Variants in KIAA0319 observed in about 807,000 individuals in gnomAD.
The protein encoded by KIAA0319 is dyslexia-associated protein KIAA0319.
In KIAA0319, 83 loss-of-function variants were observed where a neutral mutation model predicts 108.4. The ratio of observed to expected loss-of-function variants is 0.77; its 90% confidence interval spans 0.64 to 0.92. The LOEUF (loss-of-function observed/expected upper bound fraction) is 0.92, where lower values mean the gene tolerates loss of function less well. KIAA0319 is among the 40% of genes least tolerant of loss of function. KIAA0319 has a pLI of 0.00. For synonymous variants in KIAA0319, 484 were observed against 510.4 expected (o/e 0.95, Z 0.70); for missense variants, 1,195 against 1,322.4 (o/e 0.90, Z 1.49).
chr6:24,613,876 GA>G (rs1013854762), intron 1 of KIAA0319, among the ~76,000 whole-genome samples: 24 of 151,938 alleles, frequency 1.6e-4, no homozygotes, highest in African/African-American at 5.8e-4. Context: ...CTGAGTGTAT[GA>G]AAAAAAATCC....
chr6:24,561,579 C>T (rs1254629256), intron 16 of KIAA0319, among the ~76,000 whole-genome samples: 1 of 152,148 alleles, frequency 6.6e-6, no homozygotes, highest in Non-Finnish European at 1.5e-5. Context: ...GACTGGGTCT[C>T]ATTCTGTTGT....
At chr6:24,573,614 A>G (rs1765042845) in intron 10 of KIAA0319, among the ~76,000 whole-genome samples, 1 of 152,266 alleles carries the variant, frequency 6.6e-6, no homozygotes, top group Non-Finnish European at 1.5e-5. Flanking sequence ...GTATTGCTAC[A>G]TGTACATACG....
chr6:24,634,295 A>C (rs1269259607), intron 1 of KIAA0319, among the ~76,000 whole-genome samples: 1 of 152,190 alleles, frequency 6.6e-6, no homozygotes, highest in South Asian at 2.1e-4. Flanking sequence ...CTCGAAACAC[A>C]CACTACCTTG....
chr6:24,574,600 T>C lies in KIAA0319; in HGVS notation c.1734+1768A>G, dbSNP rs539245973. Among the ~76,000 whole-genome samples the C allele has an allele frequency of 5.3e-5, 8 of 152,306 alleles. No homozygotes were observed. In the South Asian group the frequency reaches 1.4e-3, roughly 28 times the overall value. On this transcript the variant is annotated intron_variant, in intron 10 of 20. Coordinates refer to ENST00000378214, the MANE Select transcript of KIAA0319 (RefSeq NM_014809.4). ...TTTCAATTATTGCTTATGTTTGAAG[T>C]TCATGGCATCATGAAATGGATTTTT...
At position 24,583,691 on chromosome 6, in the gene KIAA0319, T is replaced by C; in HGVS notation, c.1006A>G (p.Thr336Ala). 1.2e-6 allele frequency: 2 copies of C among 1,609,532 alleles called. No homozygotes were observed. Among genetic ancestry groups the C allele is most frequent in the Non-Finnish European group, 1.7e-6 (2 of 1,176,122 alleles). ...ATTAGGTTATCTCCAGCCGATACCG[T>C]AAGTTCTTTCACTAAAAGTTAATTA... is the stretch of plus-strand genomic sequence containing the variant. ...TTAPRTVKEL[T>A]VSAGDNLIIT... The change falls in exon 5 of 21, where the codon ACG becomes GCG. Residue 336 changes from threonine to alanine, a missense_variant. Thr to Ala is a moderately conservative substitution (Grantham distance 58). Transcript: ENST00000378214.
rs1286610599 is a variant in KIAA0319 at position 24,630,158 on chromosome 6, G to A, written c.-106+15578C>T. On this transcript the variant is annotated intron_variant, in intron 1 of 20. Transcript: ENST00000378214. ...TGTACCACTGCACTCTAGCCTGGGT[G>A]ACAGAGTGAGACTCTGTCTAAAAAA... Among the ~76,000 whole-genome samples, 2 of 151,922 alleles carry A rather than the reference G, an allele frequency of 1.3e-5. 1 individual carries two copies. Among genetic ancestry groups the A allele is most frequent in the Non-Finnish European group, 2.9e-5 (2 of 67,986 alleles).
In KIAA0319 at chr6:24,627,607, C is replaced by T. The variant is rs180868266; in HGVS notation, c.-106+18129G>A. Among the ~76,000 whole-genome samples, 67 of 152,278 alleles carry T rather than the reference C, an allele frequency of 4.4e-4. 3 individuals carry two copies. The highest frequency in any genetic ancestry group is 8.8e-5 in the Non-Finnish European group (6 of 68,024). ...GTGAGGAATTCACAGCAAGGGCCTA[C>T]CTAGGTCATGAGCTGTGGCCCTAGC... On this transcript the variant is annotated intron_variant, in intron 1 of 20. Transcript: ENST00000378214.
At chr6:24,550,710 C>G (rs1761352394) in intron 20 of KIAA0319, among the ~76,000 whole-genome samples, 1 of 152,156 alleles carries the variant, frequency 6.6e-6, no homozygotes, top group South Asian at 2.1e-4. Context: ...CTAAAGGGAA[C>G]AGCGTTCAGA....
chr6:24,568,704 T>A, intron 13 of KIAA0319, 77 bp downstream of exon 13: 1 of 1,399,802 alleles, frequency 7.1e-7, no homozygotes, highest in Non-Finnish European at 9.8e-7. Flanking sequence ...CATCTCTGAA[T>A]AGTCATGGCC....
chr6:24,596,918 C>A (rs1769716218), intron 2 of KIAA0319, among the ~76,000 whole-genome samples: 1 of 152,000 alleles, frequency 6.6e-6, no homozygotes, highest in Non-Finnish European at 1.5e-5. Flanking sequence ...CTTTCACCCA[C>A]ATACTCATCC....
intron 1 of KIAA0319, among the ~76,000 whole-genome samples, chr6:24,627,723 G>C (rs971007865): frequency 2.0e-5 from 3 of 152,224 alleles, no homozygotes; most frequent in Non-Finnish European, 4.4e-5. Flanking sequence ...AATGGGAAAA[G>C]AGGCCAGGAC....
chr6:24,595,830 A>G, intron 3 of KIAA0319, 43 bp downstream of exon 3: 1 of 1,548,988 alleles, frequency 6.5e-7, no homozygotes. Context: ...GGTCTGCCCC[A>G]CTCAGCCCAT....
intron 1 of KIAA0319, among the ~76,000 whole-genome samples, chr6:24,643,636 G>A (rs1777248092): frequency 6.6e-6 from 1 of 152,086 alleles, no homozygotes; most frequent in South Asian, 2.1e-4. Flanking sequence ...TCATAAATCA[G>A]AACAAGCTTT....
At chr6:24,583,768 C>T (rs924561077) in intron 4 of KIAA0319, 66 bp from the exon 5 acceptor site, 5 of 974,472 alleles carry the variant, frequency 5.1e-6, no homozygotes, top group Middle Eastern at 2.7e-4. Flanking sequence ...CTGCTCTACA[C>T]TAGATCTGTT....
At chr6:24,564,927 G>A (rs1359044940) in intron 14 of KIAA0319, among the ~76,000 whole-genome samples, 1 of 152,192 alleles carries the variant, frequency 6.6e-6, no homozygotes, top group Non-Finnish European at 1.5e-5. Flanking sequence ...TAGTTGAATA[G>A]TGTTAATTCT....
In KIAA0319 at chr6:24,596,070, T is replaced by C. The variant is rs1226203731; in HGVS notation, c.604A>G (p.Ser202Gly). 6.2e-7 allele frequency: 1 copy of C among 1,613,980 alleles called. No homozygotes were observed. Among genetic ancestry groups the C allele is most frequent in the African/African-American group, 1.3e-5 (1 of 75,048 alleles). The part of the protein sequence containing the change: ...EGAFNSSVGD[S>G]PAVPAETQQD... ...TGCGTCTCCGCTGGCACCGCAGGAC[T>C]GTCTCCAACAGAGGAGTTGAAGGCC... Residue 202 changes from serine (S) to glycine (G), a missense_variant, in exon 3 of 21, where the codon AGT becomes GGT. Physicochemically the swap from Ser to Gly is moderately conservative, Grantham distance 56. Coordinates refer to ENST00000378214, the MANE Select transcript of KIAA0319 (RefSeq NM_014809.4).
rs1765549621 is a variant in KIAA0319 at position 24,576,519 on chromosome 6, G to C, written c.1583C>G (p.Pro528Arg). The C allele has an allele frequency of 6.2e-7, 1 of 1,614,180 alleles. No homozygotes were observed. Among genetic ancestry groups the C allele is most frequent in the African/African-American group, 1.3e-5 (1 of 75,046 alleles). The part of the protein sequence containing the change: ...ALIVNNAVDY[P>R]PVANAGPNHT... The stretch of plus-strand genomic sequence containing the variant: ...ATTTGGTCCTGCATTAGCAACTGGT[G>C]GGTAGTCCACAGCATTGTTCACTAT... Residue 528 changes from proline (P) to arginine (R), a missense_variant, in exon 10 of 21, where the codon CCA becomes CGA. Pro to Arg is a moderately radical substitution (Grantham distance 103). Transcript: ENST00000378214.
At position 24,582,339 on chromosome 6, in the gene KIAA0319, G is replaced by A; in HGVS notation, c.1101C>T (p.Thr367=). 1 of 1,604,080 alleles carries A rather than the reference G, an allele frequency of 6.2e-7. No homozygotes were observed. Among genetic ancestry groups the A allele is most frequent in the Non-Finnish European group, 8.5e-7 (1 of 1,171,348 alleles). ...TTATTAAATTCCATTCATAGTTGTA[G>A]GTTGTTTCTGAGAGCAAAAAATAAA... ...FVAPAPPVET[T]YNYEWNLISH... The change falls in exon 6 of 21, where the codon ACC becomes ACT. Residue 367 remains threonine (T), a synonymous_variant. Coordinates refer to ENST00000378214, the MANE Select transcript of KIAA0319 (RefSeq NM_014809.4).
chr6:24,624,788 C>T (rs568633586), intron 1 of KIAA0319, among the ~76,000 whole-genome samples: 4 of 152,290 alleles, frequency 2.6e-5, no homozygotes, highest in African/African-American at 4.8e-5. Flanking sequence ...ATTTGGAAGT[C>T]GGACGTGAAG....
Sources: allele counts gnomAD v4.1 joint callset (sites outside exome capture counted in the v4.1 genomes callset), GRCh38; gene constraint gnomAD v4.1.1; transcripts MANE v1.5; gene names NCBI Gene and HGNC (gene_info 2026-07-23, HGNC 2026-07-21).